Variants in CCDC148 observed in about 807,000 individuals in gnomAD.
CCDC148 encodes coiled-coil domain-containing protein 148.
CCDC148 carries 89 observed loss-of-function variants against 85.7 expected under a neutral mutation model. That is an observed-to-expected ratio of 1.04 (90% CI 0.87 to 1.24). The LOEUF (loss-of-function observed/expected upper bound fraction) is 1.24. Ranked by LOEUF, CCDC148 falls within the 50% of genes most tolerant of loss-of-function variation. CCDC148 has a pLI of 0.00. For missense variants in CCDC148, 692 were observed against 671.7 expected (o/e 1.03, Z -0.33); for synonymous variants, 230 against 213.9 (o/e 1.08, Z -0.66).
At chr2:158,266,868 G>A (rs889956855) in intron 9 of CCDC148, among the ~76,000 whole-genome samples, 8 of 144,812 alleles carry the variant, frequency 5.5e-5, no homozygotes, top group African/African-American at 2.0e-4. Flanking sequence ...GTGTGTGTGT[G>A]TATTTACATA....
At chr2:158,342,749 C>A (rs1480776258) in intron 3 of CCDC148, among the ~76,000 whole-genome samples, 1 of 152,002 alleles carries the variant, frequency 6.6e-6, no homozygotes, top group East Asian at 1.9e-4. Flanking sequence ...GGTGGTTGCA[C>A]TGAGTAGATT....
rs1573866430 is a variant in CCDC148 at position 158,456,749 on chromosome 2, T to G, written c.-310A>C. 8 of 373,946 alleles carry G rather than the reference T, an allele frequency of 2.1e-5. No homozygotes were observed. In the East Asian group the frequency reaches 4.2e-4, roughly 19 times the overall value. The allele number at this position is 373,946 out of a possible 1,614,324, so 23.2% of individuals were successfully genotyped here. A position where few individuals can be genotyped will look rare whatever the true frequency, so the allele number is the denominator to read the frequency against. ...CCTCTCGCGCTGAACAGCATCGGTCTCTATGGCGACCTGAAACCGCAGCTC... is the reference window on the plus strand; with the variant it reads ...CCTCTCGCGCTGAACAGCATCGGTCGCTATGGCGACCTGAAACCGCAGCTC... On this transcript the variant is annotated 5_prime_UTR_variant, in exon 1 of 14. Transcript: ENST00000283233.
chr2:158,172,919 C>G (rs757568639), intron 13 of CCDC148, among the ~76,000 whole-genome samples: 6 of 151,940 alleles, frequency 3.9e-5, no homozygotes, highest in Non-Finnish European at 7.4e-5. Context: ...AGAAGGTGGC[C>G]ACATATGGAT....
intron 9 of CCDC148, among the ~76,000 whole-genome samples, chr2:158,254,087 A>T (rs955655560): frequency 1.3e-5 from 2 of 151,730 alleles, no homozygotes; most frequent in Non-Finnish European, 3.0e-5. Flanking sequence ...AAGAATAAAA[A>T]TGAGGGATAA....
intron 9 of CCDC148, among the ~76,000 whole-genome samples, chr2:158,279,022 CT>C (rs1690116724): frequency 6.6e-6 from 1 of 152,222 alleles, no homozygotes; most frequent in Non-Finnish European, 1.5e-5. Flanking sequence ...CAAACAGGGT[CT>C]GGAGTGGACC....
At chr2:158,435,299 C>T (rs1173644842) in intron 1 of CCDC148, among the ~76,000 whole-genome samples, 1 of 152,152 alleles carries the variant, frequency 6.6e-6, no homozygotes, top group Admixed American at 6.5e-5. Context: ...CTCTCCAAGC[C>T]AGAAGAGAGT....
At chr2:158,186,800 A>AGGC (rs1685177385) in intron 11 of CCDC148, among the ~76,000 whole-genome samples, 1 of 151,950 alleles carries the variant, frequency 6.6e-6, no homozygotes, top group Admixed American at 6.6e-5. Flanking sequence ...TCCCTCCTGA[A>AGGC]ATTTTTTTTC....
intron 9 of CCDC148, among the ~76,000 whole-genome samples, chr2:158,253,052 C>A (rs552498607): frequency 5.8e-4 from 88 of 151,776 alleles, no homozygotes; most frequent in African/African-American, 1.9e-3. Flanking sequence ...GTATACACAT[C>A]AACATGACTG....
At chr2:158,441,358 A>G (rs540648587) in intron 1 of CCDC148, among the ~76,000 whole-genome samples, 2 of 152,360 alleles carry the variant, frequency 1.3e-5, no homozygotes, top group African/African-American at 4.8e-5. Context: ...TAGAAAATCA[A>G]GATTTCTGAA....
intron 10 of CCDC148, among the ~76,000 whole-genome samples, chr2:158,233,159 A>T (rs1234895564): frequency 2.0e-5 from 3 of 152,154 alleles, no homozygotes; most frequent in African/African-American, 7.2e-5. Flanking sequence ...TGTATCAATT[A>T]TTTAAAAAGA....
At chr2:158,294,659 A>G (rs1010430117) in intron 9 of CCDC148, among the ~76,000 whole-genome samples, 1 of 152,068 alleles carries the variant, frequency 6.6e-6, no homozygotes, top group African/African-American at 2.4e-5. Context: ...CCCCGTCTCT[A>G]CTGAAAACAC....
intron 2 of CCDC148, among the ~76,000 whole-genome samples, chr2:158,347,297 C>T (rs1016368956): frequency 5.9e-5 from 9 of 152,072 alleles, no homozygotes; most frequent in Admixed American, 1.3e-4. Context: ...TCAATGCTCT[C>T]GCCTTTGGGC....
intron 9 of CCDC148, among the ~76,000 whole-genome samples, chr2:158,281,866 C>G (rs1690324254): frequency 6.6e-6 from 1 of 152,030 alleles, no homozygotes; most frequent in Non-Finnish European, 1.5e-5. Context: ...AACATTGATG[C>G]AAAAATCCTC....
intron 1 of CCDC148, among the ~76,000 whole-genome samples, chr2:158,443,515 A>AAAAG (rs748433493): frequency 5.0e-5 from 5 of 100,896 alleles, no homozygotes; most frequent in African/African-American, 1.4e-4. Context: ...AAAAAAAAAA[A>AAAAG]AAAAAAAAGA....
intron 1 of CCDC148, among the ~76,000 whole-genome samples, chr2:158,359,731 CG>C (rs1355290940): frequency 6.6e-6 from 1 of 152,142 alleles, no homozygotes; most frequent in Non-Finnish European, 1.5e-5. Context: ...ACCAGAGCCC[CG>C]GGTTTCAAGC....
rs374699424 is a variant in CCDC148 at position 158,453,177 on chromosome 2, A to G, written c.25+3238T>C. On this transcript the variant is annotated intron_variant, in intron 1 of 13. Coordinates refer to ENST00000283233, the MANE Select transcript of CCDC148 (RefSeq NM_138803.4). ...GGCAGTGAGGGACACAATCATGATC[A>G]TGATGTGGATCCTATCCCTTAGGGG... Among the ~76,000 whole-genome samples, 14 of 152,240 alleles carry G rather than the reference A, an allele frequency of 9.2e-5. 2 individuals are homozygous for G. The highest frequency in any genetic ancestry group is 6.5e-4 in the Admixed American group (10 of 15,288).
In CCDC148 at chr2:158,394,148, TA is replaced by T. The variant is rs749472939; in HGVS notation, c.26-35579del. 3.3e-5 allele frequency among the ~76,000 whole-genome samples: 5 copies of T among 152,154 alleles called. No individual in the cohort carries two copies. The East Asian group carries it at 9.6e-4, about 29-fold the overall frequency. Reference sequence around the variant, plus strand: ...AACCACTGTCCATCAGTTTTGAGTTTATTTACAGAGGGTAAAGCTTAGTTAT... The same window carrying T: ...AACCACTGTCCATCAGTTTTGAGTTTTTTACAGAGGGTAAAGCTTAGTTAT... On this transcript the variant is annotated intron_variant, in intron 1 of 13. Coordinates refer to ENST00000283233, the MANE Select transcript of CCDC148 (RefSeq NM_138803.4).
At chr2:158,283,987 G>A (rs1481032076) in intron 9 of CCDC148, among the ~76,000 whole-genome samples, 1 of 150,788 alleles carries the variant, frequency 6.6e-6, no homozygotes, top group African/African-American at 2.4e-5. Context: ...GGACATGGAT[G>A]AAATTGGAAA....
intron 10 of CCDC148, among the ~76,000 whole-genome samples, chr2:158,226,852 C>T (rs1687567059): frequency 6.6e-6 from 1 of 152,170 alleles, no homozygotes; most frequent in East Asian, 1.9e-4. Flanking sequence ...CAATATCATA[C>T]TGAATGGGCA....
Sources: gnomAD v4.1 joint callset for allele counts (sites outside exome capture counted in the v4.1 genomes callset) on GRCh38, gnomAD v4.1.1 for gene constraint, MANE v1.5 for transcripts, NCBI Gene and HGNC (gene_info 2026-07-23, HGNC 2026-07-21) for gene names.